The following ARHGEF33 variants were observed in gnomAD, a reference collection of about 807,000 sequenced individuals.
ARHGEF33 encodes Rho guanine nucleotide exchange factor 33.
In ARHGEF33, 72 loss-of-function variants were observed where a neutral mutation model predicts 101.9. That is an observed-to-expected ratio of 0.71 (90% CI 0.58 to 0.86). The LOEUF is 0.86. Among genes scored for constraint, ARHGEF33 ranks in the 40% least tolerant of loss-of-function variants. The pLI is 0.00. For synonymous variants in ARHGEF33, 499 were observed against 442.5 expected (o/e 1.13, Z -1.60); for missense variants, 1,169 against 1,111.3 (o/e 1.05, Z -0.74).
At chr2:38,970,621 G>A (rs927308654) in intron 17 of ARHGEF33, among the ~76,000 whole-genome samples, 2 of 152,190 alleles carry the variant, frequency 1.3e-5, no homozygotes, top group East Asian at 1.9e-4. Context: ...TGTCTTCAAT[G>A]TACTAGGTTC....
At chr2:38,951,672 A>T (rs1667610470) in intron 11 of ARHGEF33, among the ~76,000 whole-genome samples, 1 of 152,082 alleles carries the variant, frequency 6.6e-6, no homozygotes, top group Admixed American at 6.6e-5. Context: ...TATATACACA[A>T]ATATATATGC....
chr2:38,933,860 C>A (rs1242228110), intron 7 of ARHGEF33, among the ~76,000 whole-genome samples: 1 of 152,100 alleles, frequency 6.6e-6, no homozygotes, highest in Non-Finnish European at 1.5e-5. Flanking sequence ...GCTGATGGCC[C>A]CATCTGAGAA....
chr2:38,891,953 A>G (rs1666014789), intron 1 of ARHGEF33, among the ~76,000 whole-genome samples: 1 of 152,226 alleles, frequency 6.6e-6, no homozygotes, highest in Non-Finnish European at 1.5e-5. Flanking sequence ...CTAATATTAC[A>G]GAGAGCACTC....
intron 17 of ARHGEF33, among the ~76,000 whole-genome samples, chr2:38,969,968 CTTAATG>C (rs1262218253): frequency 6.6e-6 from 1 of 152,152 alleles, no homozygotes; most frequent in East Asian, 1.9e-4. Context: ...TCTTGCAACA[CTTAATG>C]TTAACGCGTA....
intron 17 of ARHGEF33, 107 bp downstream of exon 17, chr2:38,966,252 T>C (rs1362579978): frequency 2.2e-6 from 3 of 1,391,648 alleles, no homozygotes; most frequent in African/African-American, 2.9e-5. Flanking sequence ...ACACAACTGC[T>C]TCAAGTACAG....
chr2:38,954,952 A>G (rs1052058751), intron 13 of ARHGEF33, among the ~76,000 whole-genome samples: 6 of 152,054 alleles, frequency 3.9e-5, no homozygotes, highest in African/African-American at 1.4e-4. Flanking sequence ...TTATTTCTAA[A>G]AATTTTCAGC....
At chr2:38,956,154 A>C (rs1489433691) in intron 13 of ARHGEF33, among the ~76,000 whole-genome samples, 1 of 152,208 alleles carries the variant, frequency 6.6e-6, no homozygotes, top group South Asian at 2.1e-4. Context: ...GGTAAAAAAA[A>C]CTAGGACTGA....
rs745706205 is a variant in ARHGEF33, at chr2:38,953,161, GAAT to G, written c.1057_1059del (p.Asn353del). 1 of 1,457,372 alleles carries G rather than the reference GAAT, an allele frequency of 6.9e-7. No individual in the cohort carries two copies. Among genetic ancestry groups the G allele is most frequent in the South Asian group, 1.2e-5 (1 of 82,238 alleles). 90.3% of individuals were successfully genotyped at this position (1,457,372 alleles called of 1,614,324 possible). A position where few individuals can be genotyped will look rare whatever the true frequency, so the allele number is the denominator to read the frequency against. On this transcript the variant is annotated inframe_deletion and splice_region_variant, in exon 12 of 18. Coordinates refer to ENST00000409978, the MANE Select transcript of ARHGEF33 (RefSeq NM_001145451.5). ...CATGCATTTTTGTGTTTGTTTTAAA[GAAT>G]AATTTCTTGGATTATTATGTTGCCT... is the stretch of plus-strand genomic sequence containing the variant.
chr2:38,945,405 C>G (rs1370433288), intron 10 of ARHGEF33, among the ~76,000 whole-genome samples: 1 of 152,210 alleles, frequency 6.6e-6, no homozygotes, highest in Non-Finnish European at 1.5e-5. Context: ...CAGAGGTAAA[C>G]CAAATATGAA....
intron 12 of ARHGEF33, among the ~76,000 whole-genome samples, chr2:38,953,831 T>C (rs923041711): frequency 6.6e-6 from 1 of 152,162 alleles, no homozygotes; most frequent in African/African-American, 2.4e-5. Flanking sequence ...CCCCCACTAC[T>C]CCCAACCCAG....
intron 4 of ARHGEF33, among the ~76,000 whole-genome samples, chr2:38,927,512 A>G (rs1442760772): frequency 6.6e-6 from 1 of 152,222 alleles, no homozygotes; most frequent in Non-Finnish European, 1.5e-5. Flanking sequence ...CCTGACCAAT[A>G]TGGTGAAACT....
chr2:38,928,857 A>G, intron 4 of ARHGEF33, 50 bp from the exon 5 acceptor site: 1 of 1,498,990 alleles, frequency 6.7e-7, no homozygotes, highest in Non-Finnish European at 9.0e-7. Context: ...CAATGGTGCC[A>G]CTTACAGTAA....
At chr2:38,909,481 C>T (rs1258204297) in intron 2 of ARHGEF33, among the ~76,000 whole-genome samples, 6 of 150,078 alleles carry the variant, frequency 4.0e-5, no homozygotes, top group African/African-American at 1.5e-4. Context: ...ACCACCACGA[C>T]TGGCTAATTT....
chr2:38,949,385 A>C (rs999424647), intron 10 of ARHGEF33, among the ~76,000 whole-genome samples: 3 of 152,064 alleles, frequency 2.0e-5, no homozygotes, highest in Non-Finnish European at 4.4e-5. Context: ...AACCCAAAAA[A>C]ACTCTGCTTC....
intron 7 of ARHGEF33, among the ~76,000 whole-genome samples, chr2:38,934,897 A>G (rs1014756618): frequency 1.2e-4 from 18 of 151,978 alleles, no homozygotes; most frequent in African/African-American, 4.3e-4. Context: ...ACCTGAAGGA[A>G]GTGAGAAAGT....
chr2:38,973,528 T>C (rs999774408), intron 17 of ARHGEF33, among the ~76,000 whole-genome samples, 186 bp from the exon 18 acceptor site: 1 of 152,180 alleles, frequency 6.6e-6, no homozygotes, highest in African/African-American at 2.4e-5. Context: ...AGAAAGATAT[T>C]CTCTTTATGT....
chr2:38,907,912 G>T (rs546449097), intron 2 of ARHGEF33, among the ~76,000 whole-genome samples: 1 of 149,582 alleles, frequency 6.7e-6, no homozygotes, highest in South Asian at 2.1e-4. Context: ...AGGCTGGAGT[G>T]CAGTGGCACT....
intron 2 of ARHGEF33, among the ~76,000 whole-genome samples, chr2:38,896,138 T>C (rs750770075): frequency 2.6e-5 from 4 of 152,172 alleles, no homozygotes; most frequent in Non-Finnish European, 5.9e-5. Context: ...TTTTTGTTTG[T>C]TCGTTTTGTT....
Position 38,975,144 on chromosome 2 carries a change from A to G in ARHGEF33, c.*1301A>G, listed in dbSNP as rs1206243795. 1 of 152,192 alleles carries G rather than the reference A, an allele frequency of 6.6e-6. No individual in the cohort carries two copies. The allele number at this position is 152,192 out of a possible 1,614,324, so 9.4% of individuals were successfully genotyped here. A position where few individuals can be genotyped will look rare whatever the true frequency, so the allele number is the denominator to read the frequency against. On this transcript the variant is annotated 3_prime_UTR_variant, in exon 18 of 18. Coordinates refer to ENST00000409978, the MANE Select transcript of ARHGEF33 (RefSeq NM_001145451.5). The stretch of plus-strand genomic sequence containing the variant: ...GAAGCGTTTGTTGATAAAATAGGCA[A>G]AGGTTCACATGTAAGTGTTGCAAGT...
Sources: gnomAD v4.1 joint callset for allele counts (sites outside exome capture counted in the v4.1 genomes callset) on GRCh38, gnomAD v4.1.1 for gene constraint, MANE v1.5 for transcripts, NCBI Gene and HGNC (gene_info 2026-07-23, HGNC 2026-07-21) for gene names.